Variants in COL4A1 observed in about 807,000 individuals in gnomAD.
The protein encoded by COL4A1 is collagen alpha-1(IV) chain.
A neutral mutation model predicts 216.6 loss-of-function variants in COL4A1; 40 were observed. That is an observed-to-expected ratio of 0.18 (90% CI 0.14 to 0.24). The LOEUF (loss-of-function observed/expected upper bound fraction) is 0.24, where lower values mean the gene tolerates loss of function less well. Among genes scored for constraint, COL4A1 ranks in the 10% least tolerant of loss-of-function variants. The pLI is 1.00. For synonymous variants in COL4A1, 839 were observed against 810.7 expected, an observed-to-expected ratio of 1.03 and a Z score of -0.59; for missense variants, 1,628 against 2,196.8, an observed-to-expected ratio of 0.74 and a Z score of 5.18.
chr13:110,190,669 C>A (rs1330968373), intron 24 of COL4A1: 1 of 152,224 alleles, frequency 6.6e-6, no homozygotes, highest in Non-Finnish European at 1.5e-5. Context: ...AAGAGAACCA[C>A]ATTTCTGAGC....
intron 1 of COL4A1, among the ~76,000 whole-genome samples, chr13:110,277,635 T>A (rs950132946): frequency 1.3e-5 from 2 of 152,186 alleles, no homozygotes; most frequent in Non-Finnish European, 2.9e-5. Context: ...AGTATGTCCG[T>A]GTAACACAAT....
intron 51 of COL4A1, among the ~76,000 whole-genome samples, chr13:110,151,745 C>T (rs918159643): frequency 6.6e-6 from 1 of 152,176 alleles, no homozygotes; most frequent in Non-Finnish European, 1.5e-5. Flanking sequence ...GCGTTCCTGG[C>T]CTTCGGGGAC....
chr13:110,177,078 G>A, intron 33 of COL4A1, 41 bp from the exon 34 acceptor site: 1 of 1,610,312 alleles, frequency 6.2e-7, no homozygotes, highest in South Asian at 1.1e-5. Context: ...CTGGGCCAGT[G>A]TCACAGAGGT....
chr13:110,226,488 G>A (rs1215702784), intron 2 of COL4A1, among the ~76,000 whole-genome samples: 1 of 152,130 alleles, frequency 6.6e-6, no homozygotes, highest in Non-Finnish European at 1.5e-5. Context: ...TTTTCCCCCA[G>A]CATGCTGCAA....
chr13:110,280,338 G>A (rs985871604), intron 1 of COL4A1, among the ~76,000 whole-genome samples: 1 of 152,176 alleles, frequency 6.6e-6, no homozygotes, highest in Non-Finnish European at 1.5e-5. Context: ...GCAATAGTCA[G>A]CCACAAGTTT....
chr13:110,180,981 G>C (rs1173733088), intron 29 of COL4A1, among the ~76,000 whole-genome samples: 1 of 152,174 alleles, frequency 6.6e-6, no homozygotes, highest in Non-Finnish European at 1.5e-5. Context: ...CTTTCAAACA[G>C]CCTTCATCTG....
intron 24 of COL4A1, 22 bp from the exon 25 acceptor site, chr13:110,187,351 A>T: frequency 6.2e-7 from 1 of 1,611,734 alleles, no homozygotes; most frequent in Non-Finnish European, 8.5e-7. Context: ...AAGCCTTGTG[A>T]TCCACAGAAG....
At chr13:110,241,242 C>T (rs1031595320) in intron 2 of COL4A1, among the ~76,000 whole-genome samples, 2 of 152,138 alleles carry the variant, frequency 1.3e-5, no homozygotes, top group African/African-American at 2.4e-5. Flanking sequence ...CAGGAGGGGC[C>T]GCCAAGGCCT....
At chr13:110,267,207 G>A (rs1314731074) in intron 1 of COL4A1, among the ~76,000 whole-genome samples, 1 of 152,162 alleles carries the variant, frequency 6.6e-6, no homozygotes, top group Non-Finnish European at 1.5e-5. Context: ...CATCCACACA[G>A]GCGAGGGGAA....
At position 110,178,121 on chromosome 13, in the gene COL4A1, A is replaced by G. The variant is rs752241509; in HGVS notation, c.2569T>C (p.Ser857Pro). 4 of 1,614,018 alleles carry G rather than the reference A, an allele frequency of 2.5e-6. No homozygotes were observed. The highest frequency in any genetic ancestry group is 3.4e-6 in the Non-Finnish European group (4 of 1,180,014). ...TGTCCAGGAAGGCCAGGGAGCCCCG[A>G]CTGTCCCGTTATGCCAGGGAGTCCT... Reference protein sequence around the residue: ...AQGLPGITGQSGLPGLPGQQG... With the variant: ...AQGLPGITGQPGLPGLPGQQG... Residue 857 changes from serine to proline, a missense_variant, in exon 32 of 52, where the codon TCG becomes CCG. By Grantham distance (74) the Ser-to-Pro change is moderately conservative. This residue lies in a region of COL4A1 where 701 missense variants were observed against 892.5 expected (regional missense o/e 0.79). Transcript: ENST00000375820.
chr13:110,230,177 T>TGC (rs1422941137), intron 2 of COL4A1, among the ~76,000 whole-genome samples: 1 of 152,076 alleles, frequency 6.6e-6, no homozygotes, highest in African/African-American at 2.4e-5. Context: ...TGTGTGAGTG[T>TGC]GTGCCCGTGG....
intron 1 of COL4A1, among the ~76,000 whole-genome samples, chr13:110,251,980 C>T (rs1882091985): frequency 6.6e-6 from 1 of 152,148 alleles, no homozygotes; most frequent in Admixed American, 6.5e-5. Flanking sequence ...ACAGAAATTC[C>T]AACAACTGGG....
chr13:110,181,427 A>C, intron 28 of COL4A1, 38 bp from the exon 29 acceptor site: 13 of 1,517,608 alleles, frequency 8.6e-6, no homozygotes, highest in Non-Finnish European at 1.2e-5. Context: ...CAAACAAACA[A>C]TCATTGCGAT....
At chr13:110,157,167 A>C (rs1876823602) in intron 49 of COL4A1, among the ~76,000 whole-genome samples, 1 of 152,226 alleles carries the variant, frequency 6.6e-6, no homozygotes, top group African/African-American at 2.4e-5. Context: ...CATATGAAGA[A>C]ACTAAGGCCA....
intron 2 of COL4A1, among the ~76,000 whole-genome samples, chr13:110,227,969 G>A (rs1471438669): frequency 6.6e-6 from 1 of 152,142 alleles, no homozygotes; most frequent in Non-Finnish European, 1.5e-5. Context: ...ACACCCTCCT[G>A]GGTGGAGCTA....
intron 1 of COL4A1, among the ~76,000 whole-genome samples, chr13:110,250,504 A>G (rs1882025018): frequency 6.6e-6 from 1 of 151,974 alleles, no homozygotes; most frequent in African/African-American, 2.4e-5. Flanking sequence ...CCTTTTTCCC[A>G]CTAAACGGGG....
At chr13:110,163,296 C>G (rs1328388263) in intron 47 of COL4A1, among the ~76,000 whole-genome samples, 167 bp downstream of exon 47, 1 of 152,224 alleles carries the variant, frequency 6.6e-6, no homozygotes, top group East Asian at 1.9e-4. Context: ...AAGAACACTT[C>G]TTCAGCTCTT....
chr13:110,254,543 G>A (rs1304639622), intron 1 of COL4A1, among the ~76,000 whole-genome samples: 2 of 152,118 alleles, frequency 1.3e-5, no homozygotes, highest in African/African-American at 4.8e-5. Context: ...AACATGAAAA[G>A]CCTAAGTGAC....
chr13:110,229,609 C>T (rs1338756915), intron 2 of COL4A1, among the ~76,000 whole-genome samples: 1 of 152,172 alleles, frequency 6.6e-6, no homozygotes, highest in Non-Finnish European at 1.5e-5. Context: ...GAGGTGGGGC[C>T]TTGGGAAGTG....
Sources: gnomAD v4.1 joint callset for allele counts (sites outside exome capture counted in the v4.1 genomes callset) on GRCh38, gnomAD v4.1.1 for gene constraint, gnomAD v4.1.1 regional missense constraint, MANE v1.5 for transcripts, NCBI Gene and HGNC (gene_info 2026-07-23, HGNC 2026-07-21) for gene names.